PCDHGA3: variants seen among roughly 807,000 people sequenced by gnomAD.
PCDHGA3 encodes the protein protocadherin gamma subfamily A, 3, also known as protocadherin gamma-A3.
In PCDHGA3, 40 loss-of-function variants were observed where a neutral mutation model predicts 58.5. That is an observed-to-expected ratio of 0.68 (90% CI 0.53 to 0.89). The LOEUF is 0.89. PCDHGA3 is among the 40% of genes least tolerant of loss of function. PCDHGA3 has a pLI of 0.00. For missense variants in PCDHGA3, 1,223 were observed against 1,195.9 expected (o/e 1.02, Z -0.33); for synonymous variants, 530 against 525.7 (o/e 1.01, Z -0.11).
In PCDHGA3 at chr5:141,355,573, G is replaced by T. The variant is rs781268450; in HGVS notation, c.2424+9116G>T. On this transcript the variant is annotated intron_variant, in intron 1 of 3. Coordinates refer to ENST00000253812, the MANE Select transcript of PCDHGA3 (RefSeq NM_018916.4). ...TTTGCGGGTAGAGGTGGAAATAATC[G>T]ATGTTAATGATAACCCACCCAGTTT... 3.1e-6 allele frequency: 5 copies of T among 1,613,858 alleles called. No individual in the cohort carries two copies. In the African/African-American group the frequency reaches 4.0e-5, roughly 13 times the overall value.
Position 141,432,593 on chromosome 5 carries a change from A to G in PCDHGA3, c.2425-62214A>G, listed in dbSNP as rs2097518945. ...GCTGTCCTACCGTCTGCTCAAGGCC[A>G]GCGAGCCGGGACTCTTCTCGGTGGG... On this transcript the variant is annotated intron_variant, in intron 1 of 3. Transcript: ENST00000253812. The surrounding 1 kb of genome is among the most constrained non-coding windows in gnomAD (Gnocchi z 6.0). 6.2e-7 allele frequency: 1 copy of G among 1,612,958 alleles called. No individual in the cohort carries two copies. Among genetic ancestry groups the G allele is most frequent in the Non-Finnish European group, 8.5e-7 (1 of 1,179,834 alleles).
intron 1 of PCDHGA3, chr5:141,389,404 C>G (rs2091742660): frequency 6.2e-7 from 1 of 1,613,498 alleles, no homozygotes; most frequent in African/African-American, 1.3e-5. Flanking sequence ...TCCATAAGCG[C>G]GGAGAGCGGG....
intron 1 of PCDHGA3, chr5:141,379,281 T>G (rs1775489510): frequency 2.6e-5 from 4 of 152,252 alleles, no homozygotes; most frequent in Admixed American, 2.6e-4. Context: ...ATTTATTTAT[T>G]TCAAGTTTCC....
chr5:141,491,869 G>C lies in PCDHGA3; in HGVS notation c.2425-2938G>C. On this transcript the variant is annotated intron_variant, in intron 1 of 3. Transcript: ENST00000253812. This position sits in a 1 kb window ranked among gnomAD's most constrained non-coding sequence, Gnocchi z 6.9. ...GGACCGTTTGCGCGAAACCAGAGTG[G>C]CCGATTAAGGGATGGGGCTCCGAGC... The C allele has an allele frequency of 6.9e-7, 1 of 1,453,094 alleles. No homozygotes were observed. Among genetic ancestry groups the C allele is most frequent in the South Asian group, 1.5e-5 (1 of 68,080 alleles). 90.0% of individuals were successfully genotyped at this position (1,453,094 alleles called of 1,614,324 possible).
chr5:141,470,872 TTTTTTG>T (rs900302332), intron 1 of PCDHGA3, among the ~76,000 whole-genome samples: 3 of 151,814 alleles, frequency 2.0e-5, no homozygotes, highest in African/African-American at 4.8e-5. Context: ...GTTTGTTTGT[TTTTTTG>T]TTTTTGTTTT....
intron 1 of PCDHGA3, chr5:141,422,655 C>G (rs188587553): frequency 1.2e-6 from 2 of 1,610,122 alleles, no homozygotes; most frequent in South Asian, 2.2e-5. Context: ...TCTCAGTGAC[C>G]GCCCTCGACC....
chr5:141,377,580 A>G (rs1350053157), intron 1 of PCDHGA3: 1 of 151,568 alleles, frequency 6.6e-6, no homozygotes, highest in African/African-American at 2.4e-5. Context: ...TGGGAGACAG[A>G]ATGAGACTTT....
chr5:141,422,541 T>C (rs1389095817), intron 1 of PCDHGA3: 1 of 1,613,992 alleles, frequency 6.2e-7, no homozygotes. Context: ...CAGAAACTCA[T>C]GTCTGGCTGA....
rs2099681350 is a variant in PCDHGA3, at chr5:141,489,024, C to T, written c.2425-5783C>T. 1 of 450,378 alleles carries T rather than the reference C, an allele frequency of 2.2e-6. No individual in the cohort carries two copies. The highest frequency in any genetic ancestry group is 3.9e-6 in the Non-Finnish European group (1 of 256,582). 27.9% of individuals were successfully genotyped at this position (450,378 alleles called of 1,614,324 possible). On this transcript the variant is annotated intron_variant, in intron 1 of 3. Coordinates refer to ENST00000253812, the MANE Select transcript of PCDHGA3 (RefSeq NM_018916.4). The surrounding 1 kb of genome is among the most constrained non-coding windows in gnomAD (Gnocchi z 4.5). ...CTGCTCTTCCAGCCCGCCTCTCCTC[C>T]TCCAGCTCCCCAGCTCCACTCAAAT... is the stretch of plus-strand genomic sequence containing the variant.
At chr5:141,446,288 G>C (rs1437669688) in intron 1 of PCDHGA3, among the ~76,000 whole-genome samples, 1 of 152,100 alleles carries the variant, frequency 6.6e-6, no homozygotes, top group Non-Finnish European at 1.5e-5. Flanking sequence ...GGATAAATGG[G>C]GAGCAGGGAT....
intron 1 of PCDHGA3, chr5:141,422,633 G>A (rs769515606): frequency 1.9e-6 from 3 of 1,613,120 alleles, no homozygotes; most frequent in Non-Finnish European, 2.5e-6. Flanking sequence ...AACCCCAGGG[G>A]TGCCTCCATC....
chr5:141,400,198 G>A (rs559051247), intron 1 of PCDHGA3: 4 of 1,613,926 alleles, frequency 2.5e-6, no homozygotes, highest in Non-Finnish European at 2.5e-6. Flanking sequence ...CCTAGTGGTG[G>A]CCTTGGCCTT....
At chr5:141,393,276 C>T (rs773579763) in intron 1 of PCDHGA3, 1 of 1,613,968 alleles carries the variant, frequency 6.2e-7, no homozygotes, top group African/African-American at 1.3e-5. Context: ...TTATCCACTC[C>T]CAGAAGCTGT....
chr5:141,385,076 A>G, intron 1 of PCDHGA3: 1 of 1,614,206 alleles, frequency 6.2e-7, no homozygotes, highest in Non-Finnish European at 8.5e-7. Context: ...CGCCTGCTGC[A>G]GGCTTCAGAA....
intron 1 of PCDHGA3, chr5:141,417,543 C>T: frequency 6.5e-6 from 2 of 307,994 alleles, no homozygotes; most frequent in Non-Finnish European, 1.2e-5. Flanking sequence ...AAAAAAAATT[C>T]CTTGAAAGAG....
intron 1 of PCDHGA3, chr5:141,374,823 A>G (rs1770865404): frequency 1.2e-6 from 2 of 1,613,952 alleles, no homozygotes; most frequent in African/African-American, 1.3e-5. Context: ...CAGCCTGTCT[A>G]CCGTGTAAGT....
chr5:141,422,494 T>G lies in PCDHGA3; in HGVS notation c.2425-72313T>G, dbSNP rs772798862. On this transcript the variant is annotated intron_variant, in intron 1 of 3. Transcript: ENST00000253812. ...GTTGGTCCAGAGCTACAATATAACG[T>G]TGACAGCCACAGACCAGGGAAGCCC... The G allele has an allele frequency of 3.5e-5, 56 of 1,613,848 alleles. No homozygotes were observed. Among genetic ancestry groups the G allele is most frequent in the Non-Finnish European group, 1.0e-5 (12 of 1,179,896 alleles).
rs765690531 is a variant in PCDHGA3, at chr5:141,404,329, C to T, written c.2424+57872C>T. 6.8e-5 allele frequency: 110 copies of T among 1,613,772 alleles called. No homozygotes were observed. The East Asian group carries it at 2.4e-3, about 36-fold the overall frequency. On this transcript the variant is annotated intron_variant, in intron 1 of 3. Coordinates refer to ENST00000253812, the MANE Select transcript of PCDHGA3 (RefSeq NM_018916.4). ...CTTTCTCTCAAGCCTCCTACTCAGTCTACCTCCCGGAAAACAACGCCAGAG... is the reference window on the plus strand; with the variant it reads ...CTTTCTCTCAAGCCTCCTACTCAGTTTACCTCCCGGAAAACAACGCCAGAG...
intron 1 of PCDHGA3, chr5:141,398,897 C>G (rs761364649): frequency 2.1e-5 from 34 of 1,613,932 alleles, no homozygotes; most frequent in Non-Finnish European, 2.8e-5. Context: ...AACGTGCCAC[C>G]AGGCACCACT....
Sources: gnomAD v4.1 joint callset for allele counts (sites outside exome capture counted in the v4.1 genomes callset) on GRCh38, gnomAD v4.1.1 for gene constraint, Gnocchi (gnomAD v3.1) non-coding constraint, MANE v1.5 for transcripts, NCBI Gene and HGNC (gene_info 2026-07-23, HGNC 2026-07-21) for gene names.